STON2: variants seen among roughly 807,000 people sequenced by gnomAD.
The protein encoded by STON2 is stonin 2.
STON2 carries 29 observed loss-of-function variants against 65.7 expected under a neutral mutation model. The observed-to-expected ratio is 0.44, with a 90% CI of 0.33 to 0.60. The LOEUF is 0.60. Ranked by LOEUF, STON2 falls within the 20% of genes least tolerant of loss-of-function variation. The probability of loss-of-function intolerance (pLI) is 0.03; values close to 1 mark genes in which losing one functional copy is unlikely to be tolerated. For synonymous variants in STON2, 404 were observed against 414.2 expected, an observed-to-expected ratio of 0.98 and a Z score of 0.30; for missense variants, 1,054 against 1,118.1, an observed-to-expected ratio of 0.94 and a Z score of 0.82.
At chr14:81,371,708 T>C (rs1467326705) in intron 3 of STON2, among the ~76,000 whole-genome samples, 1 of 118,512 alleles carries the variant, frequency 8.4e-6, no homozygotes, top group African/African-American at 3.3e-5. Flanking sequence ...AAAAGAAAAG[T>C]AAGGTCCCAG....
chr14:81,385,487 C>T (rs574266913), intron 3 of STON2, among the ~76,000 whole-genome samples: 20 of 152,240 alleles, frequency 1.3e-4, no homozygotes, highest in African/African-American at 4.6e-4. Flanking sequence ...TATGCACATA[C>T]ATATGTGTGT....
At chr14:81,362,383 C>G (rs1288299831) in intron 4 of STON2, among the ~76,000 whole-genome samples, 1 of 152,166 alleles carries the variant, frequency 6.6e-6, no homozygotes, top group Non-Finnish European at 1.5e-5. Context: ...AAGCCAGGCA[C>G]AGAAAAACAA....
chr14:81,287,826 C>T (rs1895397529), intron 5 of STON2, among the ~76,000 whole-genome samples: 1 of 152,196 alleles, frequency 6.6e-6, no homozygotes, highest in Non-Finnish European at 1.5e-5. Context: ...CCTCTGACAA[C>T]CAACTATGAC....
intron 5 of STON2, among the ~76,000 whole-genome samples, chr14:81,282,646 A>G (rs1478853030): frequency 6.6e-6 from 1 of 152,234 alleles, no homozygotes; most frequent in Non-Finnish European, 1.5e-5. Flanking sequence ...GGTGATTTAA[A>G]AAATTCGAAA....
chr14:81,343,614 G>A (rs1897699831), intron 4 of STON2, among the ~76,000 whole-genome samples: 1 of 152,140 alleles, frequency 6.6e-6, no homozygotes, highest in African/African-American at 2.4e-5. Context: ...GATATCAAAT[G>A]AAACTTTTTC....
rs34681244 is a variant in STON2 at position 81,276,914 on chromosome 14, C to G, written c.2568G>C (p.Pro856=). ...ACCACCACCCACCTGAGTTTTTGTC[C>G]GGCAGTCGGTTTATCCTCCACACAA... is the stretch of plus-strand genomic sequence containing the variant. ...NSIVWRINRL[P]DKNSASGHPH... Residue 856 remains proline (P), a synonymous_variant, in exon 6 of 8, where the codon CCG becomes CCC. Transcript: ENST00000614646. The G allele has an allele frequency of 1.8e-3, 2,878 of 1,606,022 alleles. 46 individuals carry two copies. The African/African-American group carries it at 0.034, about 19-fold the overall frequency.
chr14:81,312,783 TTGAAAAC>T (rs1213573394), intron 5 of STON2, among the ~76,000 whole-genome samples: 1 of 152,254 alleles, frequency 6.6e-6, no homozygotes, highest in Non-Finnish European at 1.5e-5. Context: ...GCCAATCCTT[TTGAAAAC>T]TGGTAATTTT....
chr14:81,335,019 TTGTGTGTG>T (rs61658924), intron 4 of STON2, among the ~76,000 whole-genome samples: 102 of 145,716 alleles, frequency 7.0e-4, no homozygotes, highest in Middle Eastern at 3.4e-3. Context: ...TTTTTTGTAT[TTGTGTGTG>T]TGTGTGTGTG....
Position 81,371,177 on chromosome 14 carries a change from A to G in STON2, c.382T>C (p.Leu128=). The stretch of plus-strand genomic sequence containing the variant: ...GGGCATGTCCAGCAGGGCATGGTCA[A>G]TGGTAGGGCTGGGGAGAGACCAAAA... ...HQETAETALP[L]TMPCWTCPSF... The change falls in exon 4 of 8, where the codon TTG becomes CTG. Residue 128 remains leucine (L), a synonymous_variant. Transcript: ENST00000614646. 1.2e-6 allele frequency: 2 copies of G among 1,614,148 alleles called. No individual in the cohort carries two copies. Among genetic ancestry groups the G allele is most frequent in the Non-Finnish European group, 1.7e-6 (2 of 1,180,008 alleles).
At chr14:81,429,956 GTCA>G (rs1359523477) in intron 1 of STON2, among the ~76,000 whole-genome samples, 1 of 151,406 alleles carries the variant, frequency 6.6e-6, no homozygotes, top group African/African-American at 2.4e-5. Context: ...AAAGAAAAAA[GTCA>G]TCTAGCTCCG....
intron 5 of STON2, among the ~76,000 whole-genome samples, chr14:81,281,690 C>A (rs1895128841): frequency 6.6e-6 from 1 of 152,170 alleles, no homozygotes; most frequent in Non-Finnish European, 1.5e-5. Context: ...AAAAAAAGGC[C>A]TTTGTCCCTA....
chr14:81,417,469 G>A (rs1267721083), intron 2 of STON2, among the ~76,000 whole-genome samples: 2 of 152,238 alleles, frequency 1.3e-5, no homozygotes, highest in Non-Finnish European at 2.9e-5. Flanking sequence ...AGAAACAACA[G>A]TGATAGGAAA....
intron 4 of STON2, among the ~76,000 whole-genome samples, chr14:81,359,363 C>G (rs1898389726): frequency 6.6e-6 from 1 of 152,118 alleles, no homozygotes; most frequent in South Asian, 2.1e-4. Context: ...TGTACCACAA[C>G]TTATGGAATG....
chr14:81,279,639 G>A (rs142804918), intron 5 of STON2, among the ~76,000 whole-genome samples: 163 of 152,012 alleles, frequency 1.1e-3, no homozygotes, highest in Non-Finnish European at 1.9e-3. Flanking sequence ...AGAAGTCAGC[G>A]GAGATTGTGC....
intron 3 of STON2, among the ~76,000 whole-genome samples, chr14:81,384,091 C>T (rs1294088728): frequency 2.0e-5 from 3 of 152,104 alleles, no homozygotes; most frequent in African/African-American, 4.8e-5. Context: ...CCCATTTCCC[C>T]CAGGTCTTCA....
At chr14:81,395,708 G>A (rs1362309480) in intron 3 of STON2, 186 bp downstream of exon 3, 13 of 616,940 alleles carry the variant, frequency 2.1e-5, no homozygotes, top group Non-Finnish European at 3.7e-5. Flanking sequence ...TCTTTTGTAT[G>A]CTTATGTCAA....
rs936863727 is a variant in STON2, at chr14:81,345,427, G to A, written c.572-21240C>T. ...ACTGGCCATCTCCCAGCCAAGGAGCGGCCTCAGAAGAAACCAACTCTACTG... is the reference window on the plus strand; with the variant it reads ...ACTGGCCATCTCCCAGCCAAGGAGCAGCCTCAGAAGAAACCAACTCTACTG... On this transcript the variant is annotated intron_variant, in intron 4 of 7. Coordinates refer to ENST00000614646, the MANE Select transcript of STON2 (RefSeq NM_001394390.1). Among the ~76,000 whole-genome samples the A allele has an allele frequency of 2.4e-4, 36 of 152,264 alleles. 1 individual carries two copies. Among genetic ancestry groups the A allele is most frequent in the African/African-American group, 6.0e-4 (25 of 41,550 alleles).
intron 4 of STON2, among the ~76,000 whole-genome samples, chr14:81,325,735 T>C (rs751663718): frequency 2.0e-5 from 3 of 152,276 alleles, no homozygotes; most frequent in Middle Eastern, 3.4e-3. Context: ...CATATCAGCA[T>C]ATAGAATTGC....
At position 81,260,662 on chromosome 14, in the gene STON2, A is replaced by T. The variant is rs1187445827; in HGVS notation, c.*7752T>A. ...TTTGGCATAGTGATATTTTGTTCAA[A>T]AATTTTTTATTAATAATTCATTTTC... On this transcript the variant is annotated 3_prime_UTR_variant, in exon 8 of 8. Transcript: ENST00000614646. 1 of 152,378 alleles carries T rather than the reference A, an allele frequency of 6.6e-6. No homozygotes were observed. The highest frequency in any genetic ancestry group is 1.5e-5 in the Non-Finnish European group (1 of 68,156). The allele number at this position is 152,378 out of a possible 1,614,324, so 9.4% of individuals were successfully genotyped here. A position where few individuals can be genotyped will look rare whatever the true frequency, so the allele number is the denominator to read the frequency against.
Sources: gnomAD v4.1 joint callset for allele counts (sites outside exome capture counted in the v4.1 genomes callset) on GRCh38, gnomAD v4.1.1 for gene constraint, MANE v1.5 for transcripts, NCBI Gene and HGNC (gene_info 2026-07-23, HGNC 2026-07-21) for gene names.